YAF2: variants seen among roughly 807,000 people sequenced by gnomAD.
The protein encoded by YAF2 is YY1-associated factor 2.
In YAF2, 7 loss-of-function variants were observed where a neutral mutation model predicts 20.1. The observed-to-expected ratio is 0.35, with a 90% CI of 0.20 to 0.65. The LOEUF is 0.65. YAF2 is among the 30% of genes least tolerant of loss of function. The probability of loss-of-function intolerance (pLI) is 0.69; values close to 1 mark genes in which losing one functional copy is unlikely to be tolerated. For missense variants in YAF2, 151 were observed against 219.2 expected (o/e 0.69, Z 1.96); for synonymous variants, 74 against 76.0 (o/e 0.97, Z 0.14).
intron 1 of YAF2, 22 bp downstream of exon 1, chr12:42,238,133 C>A: frequency 1.3e-6 from 2 of 1,534,484 alleles, no homozygotes; most frequent in Admixed American, 2.0e-5. Flanking sequence ...CAGTCCGGGC[C>A]CCGGGGCCCG....
At chr12:42,218,076 T>A (rs2067409830) in intron 2 of YAF2, among the ~76,000 whole-genome samples, 1 of 152,082 alleles carries the variant, frequency 6.6e-6, no homozygotes, top group Non-Finnish European at 1.5e-5. Flanking sequence ...AATTCTTAAG[T>A]CTATATATAC....
At chr12:42,184,344 C>A (rs1358313912) in intron 2 of YAF2, among the ~76,000 whole-genome samples, 3 of 152,182 alleles carry the variant, frequency 2.0e-5, no homozygotes, top group Non-Finnish European at 4.4e-5. Context: ...GAGTCTTGCT[C>A]TGTCACCCAG....
chr12:42,199,031 T>C, intron 2 of YAF2: 2 of 553,620 alleles, frequency 3.6e-6, no homozygotes, highest in Non-Finnish European at 5.3e-6. Flanking sequence ...GTGACTATTT[T>C]AACATTTTTG....
At chr12:42,227,272 A>G (rs1234332205) in intron 2 of YAF2, among the ~76,000 whole-genome samples, 2 of 93,720 alleles carry the variant, frequency 2.1e-5, no homozygotes, top group African/African-American at 6.2e-5. Flanking sequence ...CCGTCTGGGA[A>G]GTGAGGAGTG....
At chr12:42,205,034 A>G (rs370655623) in intron 2 of YAF2, among the ~76,000 whole-genome samples, 26 of 151,308 alleles carry the variant, frequency 1.7e-4, no homozygotes, top group East Asian at 1.2e-3. Context: ...TGGTATGTGA[A>G]TATCTCAATA....
chr12:42,231,169 A>G (rs2067973154), intron 2 of YAF2: 1 of 152,164 alleles, frequency 6.6e-6, no homozygotes, highest in Admixed American at 6.5e-5. Flanking sequence ...AGAAATAAAA[A>G]CTGATAAAAA....
chr12:42,194,645 A>C (rs2066703476), intron 2 of YAF2, among the ~76,000 whole-genome samples: 1 of 152,182 alleles, frequency 6.6e-6, no homozygotes, highest in African/African-American at 2.4e-5. Flanking sequence ...CCATTCTTAT[A>C]TATCTAATTA....
chr12:42,234,566 G>A (rs927068920), intron 2 of YAF2: 5 of 985,228 alleles, frequency 5.1e-6, no homozygotes, highest in Non-Finnish European at 4.8e-6. Flanking sequence ...TGAAATACAT[G>A]CCATGAATGT....
chr12:42,211,133 A>AGTCTT (rs1190555671), intron 2 of YAF2, among the ~76,000 whole-genome samples: 2 of 152,308 alleles, frequency 1.3e-5, no homozygotes, highest in East Asian at 3.9e-4. Flanking sequence ...TTATCACTCA[A>AGTCTT]GTCTTTAACC....
At chr12:42,193,342 T>C (rs907650139) in intron 2 of YAF2, among the ~76,000 whole-genome samples, 8 of 151,616 alleles carry the variant, frequency 5.3e-5, no homozygotes, top group African/African-American at 1.9e-4. Context: ...AAATAGCACA[T>C]GCAATTACGT....
chr12:42,212,985 T>C (rs2067254431), intron 2 of YAF2, among the ~76,000 whole-genome samples: 1 of 152,238 alleles, frequency 6.6e-6, no homozygotes, highest in African/African-American at 2.4e-5. Flanking sequence ...ATGTTTATAG[T>C]GATAAAACAG....
At chr12:42,226,973 G>A (rs977155549) in intron 2 of YAF2, among the ~76,000 whole-genome samples, 1 of 148,986 alleles carries the variant, frequency 6.7e-6, no homozygotes, top group Non-Finnish European at 1.5e-5. Context: ...GCGGCCCGGG[G>A]CAGTGCGGAG....
intron 3 of YAF2, chr12:42,161,101 C>T (rs1679571526): frequency 2.6e-6 from 1 of 386,722 alleles, no homozygotes; most frequent in African/African-American, 2.1e-5. Flanking sequence ...TTGCAGACAG[C>T]TTATTAATTT....
chr12:42,178,416 G>T (rs745678917), intron 2 of YAF2, among the ~76,000 whole-genome samples: 2 of 152,260 alleles, frequency 1.3e-5, no homozygotes, highest in Non-Finnish European at 2.9e-5. Context: ...GATCTGCCAG[G>T]TGAAGCAAAT....
Position 42,179,909 on chromosome 12 carries a change from C to T in YAF2, c.153-18144G>A, listed in dbSNP as rs537180194. ...TATGGATAGACTGATAGTATACTCACTAATAAACCATGCCTAGTTTTAGCT... is the reference window on the plus strand; with the variant it reads ...TATGGATAGACTGATAGTATACTCATTAATAAACCATGCCTAGTTTTAGCT... On this transcript the variant is annotated intron_variant, in intron 2 of 3. Transcript: ENST00000534854. Among the ~76,000 whole-genome samples, 8 of 151,824 alleles carry T rather than the reference C, an allele frequency of 5.3e-5. No individual in the cohort carries two copies. In the East Asian group the frequency reaches 1.6e-3, roughly 29 times the overall value.
rs140363089 is a variant in YAF2, at chr12:42,184,559, C to T, written c.153-22794G>A. On this transcript the variant is annotated intron_variant, in intron 2 of 3. Coordinates refer to ENST00000534854, the MANE Select transcript of YAF2 (RefSeq NM_005748.6). ...TCCTGACCTCAGGTGATTGACTCACCGCAGCCTCTCAAAGTGCCGGGATTA... is the reference window on the plus strand; with the variant it reads ...TCCTGACCTCAGGTGATTGACTCACTGCAGCCTCTCAAAGTGCCGGGATTA... 2.7e-3 allele frequency among the ~76,000 whole-genome samples: 406 copies of T among 152,282 alleles called. 1 individual carries two copies. Among genetic ancestry groups the T allele is most frequent in the African/African-American group, 6.2e-3 (257 of 41,558 alleles).
chr12:42,225,088 A>G (rs2067649645), intron 2 of YAF2, among the ~76,000 whole-genome samples: 1 of 152,190 alleles, frequency 6.6e-6, no homozygotes, highest in African/African-American at 2.4e-5. Flanking sequence ...ATGAGATACT[A>G]TCTCATTGTG....
intron 2 of YAF2, among the ~76,000 whole-genome samples, chr12:42,213,429 G>A (rs542098041): frequency 2.0e-5 from 3 of 152,306 alleles, no homozygotes; most frequent in South Asian, 4.1e-4. Flanking sequence ...ACCAGATTTT[G>A]AAGCCTTACC....
At chr12:42,235,521 C>T (rs2068120858) in intron 2 of YAF2, 1 of 1,310,492 alleles carries the variant, frequency 7.6e-7, no homozygotes, top group Admixed American at 3.2e-5. Flanking sequence ...GAAATTAGAG[C>T]TCTTAGGTTT....
Sources: gnomAD v4.1 joint callset for allele counts (sites outside exome capture counted in the v4.1 genomes callset) on GRCh38, gnomAD v4.1.1 for gene constraint, MANE v1.5 for transcripts, NCBI Gene and HGNC (gene_info 2026-07-23, HGNC 2026-07-21) for gene names.